NKAIN2: variants seen among roughly 807,000 people sequenced by gnomAD.
NKAIN2 encodes the protein sodium/potassium-transporting ATPase subunit beta-1-interacting protein 2.
Under a neutral mutation model 32.6 loss-of-function variants are expected in NKAIN2, and 14 were observed. The observed-to-expected ratio is 0.43, with a 90% CI of 0.28 to 0.67. The LOEUF (loss-of-function observed/expected upper bound fraction) is 0.67, where lower values mean the gene tolerates loss of function less well. Ranked by LOEUF, NKAIN2 falls within the 30% of genes least tolerant of loss-of-function variation. The pLI, the probability that NKAIN2 is intolerant of heterozygous loss-of-function variation, is 0.17. For missense variants in NKAIN2, 198 were observed against 258.3 expected, an observed-to-expected ratio of 0.77 and a Z score of 1.60; for synonymous variants, 80 against 87.2, an observed-to-expected ratio of 0.92 and a Z score of 0.46.
intron 1 of NKAIN2, among the ~76,000 whole-genome samples, chr6:124,060,586 C>G (rs191861898): frequency 6.6e-6 from 1 of 152,020 alleles, no homozygotes; most frequent in Non-Finnish European, 1.5e-5. Flanking sequence ...GAACACCGTT[C>G]GCCAAAATGT....
Position 124,562,782 on chromosome 6 carries a change from T to C in NKAIN2, c.274-95404T>C, listed in dbSNP as rs143226515. On this transcript the variant is annotated intron_variant, in intron 3 of 6. Coordinates refer to ENST00000368417, the MANE Select transcript of NKAIN2 (RefSeq NM_001040214.3). ...CTGATTTAATAGAAGATAGCTCATT[T>C]GAATATCTACTTGTGCATTCAACCT... is the stretch of plus-strand genomic sequence containing the variant. Among the ~76,000 whole-genome samples, 31 of 152,332 alleles carry C rather than the reference T, an allele frequency of 2.0e-4. No individual in the cohort carries two copies. The East Asian group carries it at 4.2e-3, about 21-fold the overall frequency.
rs536023745 is a variant in NKAIN2 at position 123,828,420 on chromosome 6, A to G, written c.54+24166A>G. Among the ~76,000 whole-genome samples, 4 of 152,300 alleles carry G rather than the reference A, an allele frequency of 2.6e-5. No homozygotes were observed. In the East Asian group the frequency reaches 7.7e-4, roughly 29 times the overall value. On this transcript the variant is annotated intron_variant, in intron 1 of 6. Transcript: ENST00000368417. ...TACTCAAATAAATAAAAGTTAAGTT[A>G]CCAATAGCTCATAAGGCAGTGTTTG...
intron 1 of NKAIN2, among the ~76,000 whole-genome samples, chr6:124,242,140 A>G (rs192358150): frequency 6.6e-6 from 1 of 152,266 alleles, no homozygotes; most frequent in Non-Finnish European, 1.5e-5. Context: ...ATGTTTGCAA[A>G]CTATCCATCT....
At chr6:124,039,720 TAAA>T (rs1282007679) in intron 1 of NKAIN2, among the ~76,000 whole-genome samples, 1 of 151,950 alleles carries the variant, frequency 6.6e-6, no homozygotes, top group Non-Finnish European at 1.5e-5. Context: ...TATGTTAGTC[TAAA>T]AATATATTTT....
chr6:124,236,420 G>A (rs955822421), intron 1 of NKAIN2, among the ~76,000 whole-genome samples: 4 of 152,088 alleles, frequency 2.6e-5, no homozygotes, highest in Non-Finnish European at 4.4e-5. Context: ...AAGTGGCATC[G>A]CTGTAGAAAG....
At chr6:124,525,596 TG>T (rs1162787712) in intron 3 of NKAIN2, among the ~76,000 whole-genome samples, 1 of 152,174 alleles carries the variant, frequency 6.6e-6, no homozygotes, top group Non-Finnish European at 1.5e-5. Flanking sequence ...TTATAAACAA[TG>T]GATTATGGTA....
intron 3 of NKAIN2, among the ~76,000 whole-genome samples, chr6:124,421,970 G>T (rs1354653228): frequency 6.6e-6 from 1 of 152,060 alleles, no homozygotes; most frequent in Non-Finnish European, 1.5e-5. Flanking sequence ...GTATTTTGGG[G>T]TGACATATTC....
intron 4 of NKAIN2, among the ~76,000 whole-genome samples, chr6:124,685,377 G>A (rs1006688422): frequency 2.6e-5 from 4 of 152,094 alleles, no homozygotes; most frequent in Non-Finnish European, 2.9e-5. Flanking sequence ...TTAATGTAGT[G>A]GTTTCTCAAA....
chr6:124,692,084 C>A (rs779724114), intron 4 of NKAIN2, among the ~76,000 whole-genome samples: 12 of 152,088 alleles, frequency 7.9e-5, no homozygotes, highest in Non-Finnish European at 1.6e-4. Flanking sequence ...AAAATCACTT[C>A]TATTATAAAA....
At chr6:124,457,926 A>T (rs1251595477) in intron 3 of NKAIN2, among the ~76,000 whole-genome samples, 1 of 151,938 alleles carries the variant, frequency 6.6e-6, no homozygotes, top group Non-Finnish European at 1.5e-5. Context: ...ACCTGTGTGT[A>T]TGAAAGGTGC....
intron 1 of NKAIN2, among the ~76,000 whole-genome samples, chr6:123,941,934 G>C (rs1395756894): frequency 6.6e-6 from 1 of 151,720 alleles, no homozygotes; most frequent in Non-Finnish European, 1.5e-5. Context: ...AGTTTGACTT[G>C]ACTTTATACT....
chr6:124,557,546 A>C (rs1479036), intron 3 of NKAIN2, among the ~76,000 whole-genome samples: 1,917 of 152,344 alleles, frequency 0.013, 39 homozygotes, highest in African/African-American at 0.044. Flanking sequence ...TTAACAAATT[A>C]GTACTGTCCC....
intron 1 of NKAIN2, among the ~76,000 whole-genome samples, chr6:124,024,404 G>A (rs191318330): frequency 5.5e-4 from 83 of 152,228 alleles, no homozygotes; most frequent in African/African-American, 1.9e-3. Flanking sequence ...CTGAACGTCG[G>A]CCTCTCCCAC....
chr6:124,282,828 T>C (rs1411413357), intron 1 of NKAIN2, among the ~76,000 whole-genome samples, 177 bp from the exon 2 acceptor site: 1 of 152,232 alleles, frequency 6.6e-6, no homozygotes, highest in African/African-American at 2.4e-5. Context: ...ACAGATTCCA[T>C]AGTGTTCCTT....
intron 3 of NKAIN2, among the ~76,000 whole-genome samples, chr6:124,363,549 T>A (rs1799386800): frequency 6.6e-6 from 1 of 152,230 alleles, no homozygotes; most frequent in Non-Finnish European, 1.5e-5. Context: ...AAAAACTCTG[T>A]AAATGCATAA....
chr6:123,819,367 C>T (rs1360526958), intron 1 of NKAIN2, among the ~76,000 whole-genome samples: 2 of 152,124 alleles, frequency 1.3e-5, no homozygotes, highest in African/African-American at 4.8e-5. Context: ...AGCCAGGACA[C>T]ACATTAGTGC....
intron 3 of NKAIN2, among the ~76,000 whole-genome samples, chr6:124,392,993 A>T (rs1393722920): frequency 1.3e-5 from 2 of 152,162 alleles, no homozygotes; most frequent in Non-Finnish European, 2.9e-5. Context: ...TGACAGAGTG[A>T]GACTCTGTCT....
chr6:124,545,130 G>A (rs1001570123), intron 3 of NKAIN2, among the ~76,000 whole-genome samples: 3 of 152,190 alleles, frequency 2.0e-5, no homozygotes, highest in East Asian at 1.9e-4. Context: ...TGCCTCCAGA[G>A]ATCTGGGATT....
chr6:124,046,910 G>C (rs1016011767), intron 1 of NKAIN2, among the ~76,000 whole-genome samples: 2 of 151,946 alleles, frequency 1.3e-5, no homozygotes, highest in African/African-American at 4.8e-5. Flanking sequence ...AAAGTATATT[G>C]GAATGAGAAA....
Sources: allele counts gnomAD v4.1 joint callset (sites outside exome capture counted in the v4.1 genomes callset), GRCh38; gene constraint gnomAD v4.1.1; transcripts MANE v1.5; gene names NCBI Gene and HGNC (gene_info 2026-07-23, HGNC 2026-07-21).